Variants in DTWD2 observed in about 807,000 individuals in gnomAD.
DTWD2 encodes the protein tRNA-uridine aminocarboxypropyltransferase 2.
In DTWD2, 39 loss-of-function variants were observed where a neutral mutation model predicts 31.8. The ratio of observed to expected loss-of-function variants is 1.22; its 90% CI spans 0.95 to 1.60. The LOEUF is 1.60. Among genes scored for constraint, DTWD2 ranks in the 40% most tolerant of loss-of-function variants. The pLI, the probability that DTWD2 is intolerant of heterozygous loss-of-function variation, is 0.00. For synonymous variants in DTWD2, 180 were observed against 142.8 expected, an observed-to-expected ratio of 1.26 and a Z score of -1.86; for missense variants, 515 against 381.5, an observed-to-expected ratio of 1.35 and a Z score of -2.92.
chr5:118,946,240 G>A (rs1754336299), intron 1 of DTWD2, among the ~76,000 whole-genome samples: 1 of 152,180 alleles, frequency 6.6e-6, no homozygotes, highest in Non-Finnish European at 1.5e-5. Context: ...GATTTCCAGT[G>A]ACTTCTGAGA....
intron 1 of DTWD2, among the ~76,000 whole-genome samples, chr5:118,985,091 G>A (rs148636520): frequency 0.015 from 2,252 of 151,900 alleles, 59 homozygotes; most frequent in African/African-American, 0.049. Flanking sequence ...CCCTTCCTGG[G>A]GCAACCACCA....
intron 4 of DTWD2, among the ~76,000 whole-genome samples, chr5:118,915,202 T>C (rs1753546517): frequency 6.6e-6 from 1 of 151,984 alleles, no homozygotes; most frequent in Non-Finnish European, 1.5e-5. Context: ...GGCAACACAG[T>C]GAGACTCTGT....
chr5:118,903,617 TAGCTA>T (rs1254908980), intron 4 of DTWD2, among the ~76,000 whole-genome samples: 1 of 152,034 alleles, frequency 6.6e-6, no homozygotes, highest in African/African-American at 2.4e-5. Context: ...TCTAAATCTC[TAGCTA>T]ACATGTTAAG....
intron 4 of DTWD2, among the ~76,000 whole-genome samples, chr5:118,870,342 ACAAT>A (rs1309040275): frequency 1.3e-5 from 2 of 152,234 alleles, no homozygotes; most frequent in African/African-American, 2.4e-5. Flanking sequence ...AAACTACTGT[ACAAT>A]CATTCAATGG....
chr5:118,917,399 T>C (rs1753601585), intron 4 of DTWD2, among the ~76,000 whole-genome samples: 1 of 152,170 alleles, frequency 6.6e-6, no homozygotes, highest in Non-Finnish European at 1.5e-5. Flanking sequence ...TTTTGACTCT[T>C]AGGTCATAGT....
At chr5:118,969,048 T>G (rs1754921074) in intron 1 of DTWD2, among the ~76,000 whole-genome samples, 1 of 152,130 alleles carries the variant, frequency 6.6e-6, no homozygotes, top group South Asian at 2.1e-4. Context: ...CACAGCAGAC[T>G]GTGGTCAGAC....
At chr5:118,907,288 T>C (rs546728441) in intron 4 of DTWD2, among the ~76,000 whole-genome samples, 1 of 152,214 alleles carries the variant, frequency 6.6e-6, no homozygotes, top group African/African-American at 2.4e-5. Flanking sequence ...TTCAAGTGGT[T>C]ATTTTAGACT....
At chr5:118,863,486 A>G (rs1752313364) in intron 4 of DTWD2, among the ~76,000 whole-genome samples, 4 of 152,214 alleles carry the variant, frequency 2.6e-5, no homozygotes, top group Admixed American at 2.0e-4. Flanking sequence ...CATTCTTTTG[A>G]GTCAACTGCA....
Position 118,839,590 on chromosome 5 carries a change from G to C in DTWD2, c.*1327C>G, listed in dbSNP as rs537554639. On this transcript the variant is annotated 3_prime_UTR_variant, in exon 6 of 6. Coordinates refer to ENST00000510708, the MANE Select transcript of DTWD2 (RefSeq NM_173666.4). ...TTGCCCAGGCTGGTCTCAAACTCCT[G>C]GGCTCAAGCAATTCTCACATCTCAG... is the stretch of plus-strand genomic sequence containing the variant. 1 of 152,006 alleles carries C rather than the reference G, an allele frequency of 6.6e-6. No homozygotes were observed. 9.4% of individuals were successfully genotyped at this position (152,006 alleles called of 1,614,324 possible).
chr5:118,964,366 G>A (rs1417423512), intron 1 of DTWD2, among the ~76,000 whole-genome samples: 1 of 152,112 alleles, frequency 6.6e-6, no homozygotes, highest in African/African-American at 2.4e-5. Flanking sequence ...AGAGATGCCA[G>A]GGGAAAATTC....
At chr5:118,878,370 T>C (rs1352782200) in intron 4 of DTWD2, among the ~76,000 whole-genome samples, 3 of 152,124 alleles carry the variant, frequency 2.0e-5, no homozygotes, top group Non-Finnish European at 4.4e-5. Flanking sequence ...CACTTACAAC[T>C]ATCTGATCTT....
At chr5:118,950,446 C>G (rs1580431692) in intron 1 of DTWD2, among the ~76,000 whole-genome samples, 1 of 152,230 alleles carries the variant, frequency 6.6e-6, no homozygotes, top group South Asian at 2.1e-4. Context: ...GTCCAGGAGG[C>G]TTTTGAGGCA....
At chr5:118,966,537 T>C (rs1344319719) in intron 1 of DTWD2, among the ~76,000 whole-genome samples, 5 of 152,230 alleles carry the variant, frequency 3.3e-5, no homozygotes, top group African/African-American at 9.6e-5. Context: ...CTTATGATCA[T>C]ACTCAGGCAA....
chr5:118,859,815 T>C (rs1752219255), intron 4 of DTWD2, among the ~76,000 whole-genome samples: 1 of 152,152 alleles, frequency 6.6e-6, no homozygotes, highest in South Asian at 2.1e-4. Context: ...TAGGAATAAA[T>C]ACTTAGTATA....
chr5:118,972,587 A>G (rs1344803285), intron 1 of DTWD2, among the ~76,000 whole-genome samples: 1 of 152,164 alleles, frequency 6.6e-6, no homozygotes, highest in Non-Finnish European at 1.5e-5. Flanking sequence ...ACTATTCCAA[A>G]CAGTTGAAAA....
chr5:118,868,310 C>A (rs1202296537), intron 4 of DTWD2, among the ~76,000 whole-genome samples: 3 of 151,816 alleles, frequency 2.0e-5, no homozygotes, highest in African/African-American at 7.3e-5. Context: ...CTATAAAATT[C>A]TTAGAAAAAA....
chr5:118,847,581 G>A (rs572188037), intron 5 of DTWD2, among the ~76,000 whole-genome samples: 117 of 151,246 alleles, frequency 7.7e-4, no homozygotes, highest in African/African-American at 2.7e-3. Context: ...AATAATTGCA[G>A]GTTATAATAC....
intron 4 of DTWD2, among the ~76,000 whole-genome samples, chr5:118,848,563 G>A (rs1283303531): frequency 2.0e-5 from 3 of 152,088 alleles, no homozygotes; most frequent in Non-Finnish European, 2.9e-5. Context: ...AAACCACAAT[G>A]GGGTAACATT....
chr5:118,959,597 A>G (rs1754663152), intron 1 of DTWD2, among the ~76,000 whole-genome samples: 1 of 152,204 alleles, frequency 6.6e-6, no homozygotes, highest in African/African-American at 2.4e-5. Flanking sequence ...TTAGAAAAAT[A>G]AAACTATTCT....
Sources: gnomAD v4.1 joint callset for allele counts (sites outside exome capture counted in the v4.1 genomes callset) on GRCh38, gnomAD v4.1.1 for gene constraint, MANE v1.5 for transcripts, NCBI Gene and HGNC (gene_info 2026-07-23, HGNC 2026-07-21) for gene names.